P2RX6: variants seen among roughly 807,000 people sequenced by gnomAD.
P2RX6 encodes purinergic receptor P2X 6.
A neutral mutation model predicts 54.2 loss-of-function variants in P2RX6; 62 were observed. The observed-to-expected ratio is 1.14, with a 90% CI of 0.93 to 1.41. The LOEUF is 1.41. Ranked by LOEUF, P2RX6 falls within the 40% of genes most tolerant of loss-of-function variation. The pLI is 0.00. For missense variants in P2RX6, 541 were observed against 566.3 expected, an observed-to-expected ratio of 0.96 and a Z score of 0.45; for synonymous variants, 211 against 231.9, an observed-to-expected ratio of 0.91 and a Z score of 0.82.
chr22:21,021,593 T>C (rs1927416705), intron 3 of P2RX6, among the ~76,000 whole-genome samples: 1 of 152,134 alleles, frequency 6.6e-6, no homozygotes, highest in Non-Finnish European at 1.5e-5. Context: ...CATTCTGGCT[T>C]CTCAGAGGCC....
chr22:21,015,853 T>TTG (rs1926263682), intron 1 of P2RX6, 89 bp from the exon 2 acceptor site: 2 of 1,361,950 alleles, frequency 1.5e-6, no homozygotes, highest in African/African-American at 2.9e-5. Flanking sequence ...CTGTAGGGTG[T>TTG]GGGGGGAGAA....
At position 21,023,903 on chromosome 22, in the gene P2RX6, C is replaced by T. The variant is rs551121508; in HGVS notation, c.890+285C>T. Among the ~76,000 whole-genome samples, 6 of 152,196 alleles carry T rather than the reference C, an allele frequency of 3.9e-5. No individual in the cohort carries two copies. In the East Asian group the frequency reaches 9.6e-4, roughly 24 times the overall value. ...CACCCCACCTCGCTTCTAGTATCTC[C>T]CCTCCACAGCAATGGGGTGTTTCAT... On this transcript the variant is annotated intron_variant, in intron 8 of 11. Coordinates refer to ENST00000413302, the MANE Select transcript of P2RX6 (RefSeq NM_005446.5).
In P2RX6 at chr22:21,023,506, C is replaced by T; in HGVS notation, c.781-3C>T. The T allele has an allele frequency of 6.2e-7, 1 of 1,613,596 alleles. No homozygotes were observed. On this transcript the variant is annotated splice_polypyrimidine_tract_variant and splice_region_variant and intron_variant, in intron 7 of 11. Transcript: ENST00000413302. ...CGGTGGAAAAGCTATGTGCTATGTGCAGGGTGGCTCTGTAGGCATCAGAGT... is the reference window on the plus strand; with the variant it reads ...CGGTGGAAAAGCTATGTGCTATGTGTAGGGTGGCTCTGTAGGCATCAGAGT...
intron 8 of P2RX6, 77 bp from the exon 9 acceptor site, chr22:21,025,728 G>A: frequency 1.9e-6 from 2 of 1,039,248 alleles, no homozygotes; most frequent in South Asian, 1.4e-5. Context: ...TTGACAAGTT[G>A]GACAGAGGTC....
chr22:21,025,301 G>A (rs1392594284), intron 8 of P2RX6, among the ~76,000 whole-genome samples: 2 of 152,046 alleles, frequency 1.3e-5, no homozygotes, highest in African/African-American at 4.8e-5. Flanking sequence ...CACCAGGCCT[G>A]GGGATGATGC....
chr22:21,016,219 G>A (rs865781210), intron 2 of P2RX6, 127 bp downstream of exon 2: 13 of 1,010,228 alleles, frequency 1.3e-5, no homozygotes, highest in Middle Eastern at 3.2e-4. Flanking sequence ...GGGTTCTCAG[G>A]AAGGGCTTCA....
intron 2 of P2RX6, among the ~76,000 whole-genome samples, chr22:21,016,347 C>CA (rs1228582082): frequency 4.6e-5 from 7 of 151,992 alleles, no homozygotes; most frequent in African/African-American, 1.7e-4. Context: ...CCTGTAATCC[C>CA]AGCACTTTGG....
Position 21,018,050 on chromosome 22 carries a change from G to C in P2RX6, c.377G>C (p.Arg126Thr). 3.7e-6 allele frequency: 6 copies of C among 1,610,594 alleles called. No individual in the cohort carries two copies. Among genetic ancestry groups the C allele is most frequent in the Non-Finnish European group, 5.1e-6 (6 of 1,177,170 alleles). ...GTGACGCCAGCCCAAGTTCAGGGCA[G>C]ATGCCCAGAGGTGAGTTTACCCAGG... Reference protein sequence around the residue: ...FLVTPAQVQGRCPEHPSVPLA... With the variant: ...FLVTPAQVQGTCPEHPSVPLA... Residue 126 changes from arginine to threonine, a missense_variant, in exon 3 of 12, where the codon AGA becomes ACA. By Grantham distance (71) the Arg-to-Thr change is moderately conservative (BLOSUM62 -1). Transcript: ENST00000413302.
chr22:21,013,627 A>T (rs1318044070), upstream of P2RX6, among the ~76,000 whole-genome samples: 2 of 152,240 alleles, frequency 1.3e-5, no homozygotes, highest in African/African-American at 4.8e-5. Context: ...AGTGGTAGCT[A>T]ATCCTGCCAG....
At chr22:21,016,895 C>A (rs1171111786) in intron 2 of P2RX6, among the ~76,000 whole-genome samples, 1 of 152,172 alleles carries the variant, frequency 6.6e-6, no homozygotes, top group Non-Finnish European at 1.5e-5. Context: ...CAGCTGTCTT[C>A]TAGGTGCACA....
Position 21,026,430 on chromosome 22 carries a change from C to G in P2RX6, c.1139C>G (p.Pro380Arg). Residue 380 changes from proline to arginine, a missense_variant, in exon 12 of 12, where the codon CCG becomes CGG. Transcript: ENST00000413302. The surrounding 1 kb of genome is among the most constrained non-coding windows in gnomAD (Gnocchi z 4.0). ...WRTKYEEAKA[P>R]KATANSVWRE... is the part of the protein sequence containing the mutation. Reference sequence around the variant, plus strand: ...TGTCCTCATCTGCAGGCCAAGGCCCCGAAAGCAACCGCCAACTCTGTGTGG... The same window carrying G: ...TGTCCTCATCTGCAGGCCAAGGCCCGGAAAGCAACCGCCAACTCTGTGTGG... 1.2e-6 allele frequency: 2 copies of G among 1,600,366 alleles called. No individual in the cohort carries two copies. The highest frequency in any genetic ancestry group is 2.3e-5 in the South Asian group (2 of 88,196).
Position 21,026,483 on chromosome 22 carries a change from C to T in P2RX6, c.1192C>T (p.Arg398Ter), listed in dbSNP as rs200889534. The T allele has an allele frequency of 3.3e-5, 53 of 1,600,100 alleles. No homozygotes were observed. The Admixed American group carries it at 3.9e-4, about 12-fold the overall frequency. Residue 398 changes from arginine (R) to a stop codon, truncating the protein, a stop_gained, in exon 12 of 12, where the codon CGA (arginine) becomes TGA (stop). Coordinates refer to ENST00000413302, the MANE Select transcript of P2RX6 (RefSeq NM_005446.5). LOFTEE classifies it high-confidence loss of function. This position sits in a 1 kb window ranked among gnomAD's most constrained non-coding sequence, Gnocchi z 4.0. Reference protein sequence around the residue: ...WRELALASQARLAECLRRSSA... With the variant: ...WRELALASQA ...GGAGCTGGCCCTTGCATCCCAAGCC[C>T]GACTGGCCGAGTGCCTCAGACGGAG...
At chr22:21,016,457 T>C (rs1410844976) in intron 2 of P2RX6, among the ~76,000 whole-genome samples, 7 of 151,632 alleles carry the variant, frequency 4.6e-5, no homozygotes, top group Non-Finnish European at 8.8e-5. Flanking sequence ...GGCATGGTGG[T>C]GGGCGCCTGT....
intron 3 of P2RX6, among the ~76,000 whole-genome samples, chr22:21,021,421 G>A (rs986999968): frequency 1.3e-5 from 2 of 152,178 alleles, no homozygotes; most frequent in South Asian, 4.1e-4. Flanking sequence ...GGCCCCACTG[G>A]TGGTCACTGT....
At position 21,015,460 on chromosome 22, in the gene P2RX6, G is replaced by A. The variant is rs1044867668; in HGVS notation, c.164+122G>A. 34 of 1,024,402 alleles carry A rather than the reference G, an allele frequency of 3.3e-5. 1 individual carries two copies. Among genetic ancestry groups the A allele is most frequent in the Non-Finnish European group, 4.4e-5 (32 of 722,118 alleles). 63.5% of individuals were successfully genotyped at this position (1,024,402 alleles called of 1,614,324 possible). Reference sequence around the variant, plus strand: ...TTAGGGGCTGGAGTGGAAGGGGGCAGATTGGGACGGGGTTGGGGAGAGCTA... The same window carrying A: ...TTAGGGGCTGGAGTGGAAGGGGGCAAATTGGGACGGGGTTGGGGAGAGCTA... On this transcript the variant is annotated intron_variant, in intron 1 of 11. Transcript: ENST00000413302.
At chr22:21,018,108 GC>G (rs1331435165) in intron 3 of P2RX6, 48 bp downstream of exon 3, 6 of 1,262,808 alleles carry the variant, frequency 4.8e-6, no homozygotes, top group Middle Eastern at 1.9e-4. Flanking sequence ...TCCTCCATCA[GC>G]CCCAGGGGGC....
intron 3 of P2RX6, among the ~76,000 whole-genome samples, chr22:21,020,579 CTTTTTTTTTTTTTTCTTT>C (rs1569174064): frequency 1.5e-5 from 2 of 132,558 alleles, no homozygotes; most frequent in East Asian, 2.7e-4. Flanking sequence ...TGAGCAGAAT[CTTTTTTTTTTTTTTCTTT>C]TTTTTTTTTT....
In P2RX6 at chr22:21,015,942, G is replaced by A; in HGVS notation, c.165G>A (p.Gly55=). ...ACACTGCCCGACTTCTCCTCCCCAG[G>A]TGGGCTCTCCTCGCCAAAAAAGGCT... ...LQFGIVVYVV[G]WALLAKKGYQ... The change falls in exon 2 of 12, where the codon GGG becomes GGA. Residue 55 remains glycine (G), a splice_region_variant and synonymous_variant. Transcript: ENST00000413302. The A allele has an allele frequency of 1.9e-6, 3 of 1,549,598 alleles. No homozygotes were observed. The highest frequency in any genetic ancestry group is 2.6e-6 in the Non-Finnish European group (3 of 1,146,864).
intron 8 of P2RX6, 72 bp from the exon 9 acceptor site, chr22:21,025,733 G>A: frequency 9.0e-7 from 1 of 1,109,332 alleles, no homozygotes; most frequent in Admixed American, 2.0e-5. Flanking sequence ...AAGTTGGACA[G>A]AGGTCTGGCA....
Sources: gnomAD v4.1 joint callset for allele counts (sites outside exome capture counted in the v4.1 genomes callset) on GRCh38, gnomAD v4.1.1 for gene constraint, Gnocchi (gnomAD v3.1) non-coding constraint, MANE v1.5 for transcripts, NCBI Gene and HGNC (gene_info 2026-07-23, HGNC 2026-07-21) for gene names.